NARF: variants seen among roughly 807,000 people sequenced by gnomAD.
NARF encodes the protein nuclear prelamin A recognition factor, also known as iron-only hydrogenase-like protein 2.
In NARF, 41 loss-of-function variants were observed where a neutral mutation model predicts 48.0. The observed-to-expected ratio is 0.85, with a 90% confidence interval of 0.66 to 1.11. The LOEUF (loss-of-function observed/expected upper bound fraction) is 1.11, where lower values mean the gene tolerates loss of function less well. NARF is among the 50% of genes least tolerant of loss of function. The probability of loss-of-function intolerance (pLI) is 0.00; values close to 1 mark genes in which losing one functional copy is unlikely to be tolerated. For synonymous variants in NARF, 215 were observed against 225.5 expected, an observed-to-expected ratio of 0.95 and a Z score of 0.42; for missense variants, 613 against 590.2, an observed-to-expected ratio of 1.04 and a Z score of -0.40.
chr17:82,469,014 C>G (rs1437054616), intron 4 of NARF, 118 bp downstream of exon 4: 1 of 1,149,822 alleles, frequency 8.7e-7, no homozygotes, highest in Admixed American at 2.5e-5. Flanking sequence ...AAAAGAGTCT[C>G]TTGGAACGTA....
At chr17:82,475,459 G>T (rs1302950119) in intron 5 of NARF, among the ~76,000 whole-genome samples, 1 of 152,134 alleles carries the variant, frequency 6.6e-6, no homozygotes. Context: ...AATTAGCCAG[G>T]TGTGGCGGGC....
chr17:82,475,266 C>T (rs72859133), intron 5 of NARF, among the ~76,000 whole-genome samples: 2 of 152,156 alleles, frequency 1.3e-5, no homozygotes, highest in East Asian at 1.9e-4. Flanking sequence ...AAAATGACAA[C>T]GAACTAAGGC....
In NARF at chr17:82,488,377, TTTC is replaced by T; in HGVS notation, c.*223_*225del. ...ATAGGTGTGGGATTGGAACTTTTTT[TTTC>T]TTTTTTTTTTTTTGAGACGGAGTCT... is the stretch of plus-strand genomic sequence containing the variant. On this transcript the variant is annotated 3_prime_UTR_variant, in exon 11 of 11. Coordinates refer to ENST00000309794, the MANE Select transcript of NARF (RefSeq NM_012336.4). 1 of 654,060 alleles carries T rather than the reference TTTC, an allele frequency of 1.5e-6. No individual in the cohort carries two copies. Among genetic ancestry groups the T allele is most frequent in the Non-Finnish European group, 2.4e-6 (1 of 422,018 alleles). 40.5% of individuals were successfully genotyped at this position (654,060 alleles called of 1,614,324 possible). A position where few individuals can be genotyped will look rare whatever the true frequency, so the allele number is the denominator to read the frequency against.
At chr17:82,472,947 T>TG (rs1567936889) in intron 5 of NARF, among the ~76,000 whole-genome samples, 2 of 151,060 alleles carry the variant, frequency 1.3e-5, no homozygotes, top group African/African-American at 2.5e-5. Flanking sequence ...TTATTTTTAT[T>TG]ATTTTTTTTT....
Position 82,478,893 on chromosome 17 carries a change from T to G in NARF, c.614T>G (p.Val205Gly). 1 of 1,613,764 alleles carries G rather than the reference T, an allele frequency of 6.2e-7. No homozygotes were observed. Among genetic ancestry groups the G allele is most frequent in the Non-Finnish European group, 8.5e-7 (1 of 1,179,916 alleles). ...CCCCAGCAGGTCATGGGCTCTTTGG[T>G]GAAGGATTATTTCGCCAGACAGCAG... ...KSPQQVMGSL[V>G]KDYFARQQNL... The change falls in exon 6 of 11, where the codon GTG becomes GGG. Residue 205 changes from valine to glycine, a missense_variant. By Grantham distance (109) the Val-to-Gly change is moderately radical (BLOSUM62 -3). Coordinates refer to ENST00000309794, the MANE Select transcript of NARF (RefSeq NM_012336.4).
chr17:82,483,597 G>C (rs894543942), intron 7 of NARF, 119 bp from the exon 8 acceptor site: 3 of 847,422 alleles, frequency 3.5e-6, no homozygotes, highest in Non-Finnish European at 6.0e-6. Context: ...TGCTGTGTGT[G>C]ATGGAGATTT....
At chr17:82,486,366 G>C (rs1376629041) in intron 10 of NARF, among the ~76,000 whole-genome samples, 1 of 152,202 alleles carries the variant, frequency 6.6e-6, no homozygotes, top group Non-Finnish European at 1.5e-5. Context: ...AGGGACTCGA[G>C]TGGAAATGCC....
chr17:82,470,213 A>T (rs995496716), intron 4 of NARF, among the ~76,000 whole-genome samples: 1 of 152,148 alleles, frequency 6.6e-6, no homozygotes, highest in Non-Finnish European at 1.5e-5. Flanking sequence ...CCTGGGCTCT[A>T]ACAAGACCTG....
At chr17:82,481,725 T>G (rs571491061) in intron 7 of NARF, 213 of 414,928 alleles carry the variant, frequency 5.1e-4, no homozygotes, top group African/African-American at 4.4e-3. Flanking sequence ...AGTAAAACTT[T>G]GTCTCAAAAA....
chr17:82,487,990 G>T lies in NARF; in HGVS notation c.1204G>T (p.Gly402Cys). Residue 402 changes from glycine (G) to cysteine (C), a missense_variant, in exon 11 of 11, where the codon GGC becomes TGC. By Grantham distance (159) the Gly-to-Cys change is radical (BLOSUM62 -3). Coordinates refer to ENST00000309794, the MANE Select transcript of NARF (RefSeq NM_012336.4). ...TAAGGCCCTGCTGCGGCAGATGGAA[G>T]GCATTTACGCTGACATCCCTGTGCG... ...ADKALLRQME[G>C]IYADIPVRRP... The T allele has an allele frequency of 1.2e-6, 2 of 1,614,236 alleles. No homozygotes were observed. Among genetic ancestry groups the T allele is most frequent in the Non-Finnish European group, 1.7e-6 (2 of 1,180,052 alleles).
In NARF at chr17:82,464,416, C is replaced by T. The variant is rs773659708; in HGVS notation, c.238C>T (p.Leu80=). ...QQNAKDFFRV[L]NLNKKCDTSK... is the part of the protein sequence containing the mutation. ...AAATGCCAAGGACTTCTTCCGCGTT[C>T]TGAACCTTAACAAGGTAAGGCATTC... Residue 80 remains leucine, a synonymous_variant, in exon 3 of 11, where the codon CTG becomes TTG. Coordinates refer to ENST00000309794, the MANE Select transcript of NARF (RefSeq NM_012336.4). 6.2e-7 allele frequency: 1 copy of T among 1,613,224 alleles called. No homozygotes were observed. The highest frequency in any genetic ancestry group is 2.2e-5 in the East Asian group (1 of 44,888).
At position 82,490,366 on chromosome 17, in the gene NARF, C is replaced by CACA. The variant is rs1354937103; in HGVS notation, c.*2209_*2210insACA. Reference sequence around the variant, plus strand: ...CTCGCTAGGCTGCCTTCATCTCACTCTGTGTGCTGTGCCTGTGCACCTGTC... The same window carrying CACA: ...CTCGCTAGGCTGCCTTCATCTCACTCACATGTGTGCTGTGCCTGTGCACCTGTC... On this transcript the variant is annotated 3_prime_UTR_variant, in exon 11 of 11. Transcript: ENST00000309794. 1.3e-5 allele frequency: 2 copies of CACA among 152,364 alleles called. No individual in the cohort carries two copies. The highest frequency in any genetic ancestry group is 2.9e-5 in the Non-Finnish European group (2 of 68,100). 9.4% of individuals were successfully genotyped at this position (152,364 alleles called of 1,614,324 possible).
Position 82,478,852 on chromosome 17 carries a change from C to T in NARF, c.573C>T (p.Leu191=). 4 of 1,614,084 alleles carry T rather than the reference C, an allele frequency of 2.5e-6. No homozygotes were observed. The highest frequency in any genetic ancestry group is 2.2e-5 in the South Asian group (2 of 91,088). ...RVLGRPITAH[L]CTAKSPQQVM... is the part of the protein sequence containing the mutation. ...TGGGTCGCCCCATCACTGCCCACCTCTGCACCGCCAAGTCCCCCCAGCAGG... is the reference window on the plus strand; with the variant it reads ...TGGGTCGCCCCATCACTGCCCACCTTTGCACCGCCAAGTCCCCCCAGCAGG... The change falls in exon 6 of 11, where the codon CTC becomes CTT. Residue 191 remains leucine, a synonymous_variant. Coordinates refer to ENST00000309794, the MANE Select transcript of NARF (RefSeq NM_012336.4).
chr17:82,488,378 TTC>T lies in NARF; in HGVS notation c.*223_*224del, dbSNP rs2044145947. 4.6e-6 allele frequency: 3 copies of T among 649,232 alleles called. No homozygotes were observed. The highest frequency in any genetic ancestry group is 2.7e-5 in the South Asian group (1 of 37,146). The allele number at this position is 649,232 out of a possible 1,614,324, so 40.2% of individuals were successfully genotyped here. A position where few individuals can be genotyped will look rare whatever the true frequency, so the allele number is the denominator to read the frequency against. ...TAGGTGTGGGATTGGAACTTTTTTT[TTC>T]TTTTTTTTTTTTTGAGACGGAGTCT... On this transcript the variant is annotated 3_prime_UTR_variant, in exon 11 of 11. Transcript: ENST00000309794.
chr17:82,463,435 G>C (rs759703796), intron 2 of NARF: 2 of 152,246 alleles, frequency 1.3e-5, no homozygotes, highest in African/African-American at 4.8e-5. Context: ...GGGAAGAGAC[G>C]GGTGAGGGGG....
Position 82,490,192 on chromosome 17 carries a change from G to A in NARF, c.*2035G>A, listed in dbSNP as rs953946849. ...AAACAGTGAAACAGAGCTGGCAGAC[G>A]CCTGAAACTCCATGGAACCATGCAG... On this transcript the variant is annotated 3_prime_UTR_variant, in exon 11 of 11. Transcript: ENST00000309794. 1.3e-5 allele frequency: 2 copies of A among 152,222 alleles called. No homozygotes were observed. Among genetic ancestry groups the A allele is most frequent in the Admixed American group, 1.3e-4 (2 of 15,286 alleles). The allele number at this position is 152,222 out of a possible 1,614,324, so 9.4% of individuals were successfully genotyped here. A position where few individuals can be genotyped will look rare whatever the true frequency, so the allele number is the denominator to read the frequency against.
chr17:82,482,363 G>A (rs1213124991), intron 7 of NARF: 8 of 184,606 alleles, frequency 4.3e-5, no homozygotes, highest in African/African-American at 1.5e-4. Context: ...TCCTCAGCAC[G>A]GCCATCCTTC....
chr17:82,477,585 C>T (rs1368209773), intron 5 of NARF: 1 of 152,212 alleles, frequency 6.6e-6, no homozygotes, highest in Non-Finnish European at 1.5e-5. Flanking sequence ...GCAATCATAG[C>T]TGACTCCAGC....
Position 82,488,204 on chromosome 17 carries a change from CCT to C in NARF, c.*51_*52del. 1 of 1,597,066 alleles carries C rather than the reference CCT, an allele frequency of 6.3e-7. No individual in the cohort carries two copies. The highest frequency in any genetic ancestry group is 8.5e-7 in the Non-Finnish European group (1 of 1,169,982). On this transcript the variant is annotated 3_prime_UTR_variant, in exon 11 of 11. Coordinates refer to ENST00000309794, the MANE Select transcript of NARF (RefSeq NM_012336.4). ...CTGCTCTTGGGGCCAGAGCCAAGAGCCTCTCAGTAGAGGGAGGGGCTGCCCTG... is the reference window on the plus strand; with the variant it reads ...CTGCTCTTGGGGCCAGAGCCAAGAGCCTCAGTAGAGGGAGGGGCTGCCCTG...
Sources: allele counts gnomAD v4.1 joint callset (sites outside exome capture counted in the v4.1 genomes callset), GRCh38; gene constraint gnomAD v4.1.1; transcripts MANE v1.5; gene names NCBI Gene and HGNC (gene_info 2026-07-23, HGNC 2026-07-21).